SPATC1L: variants seen among roughly 807,000 people sequenced by gnomAD.
The protein encoded by SPATC1L is speriolin-like protein.
A neutral mutation model predicts 21.2 loss-of-function variants in SPATC1L; 20 were observed. That is an observed-to-expected ratio of 0.94 (90% CI 0.66 to 1.37). The LOEUF (loss-of-function observed/expected upper bound fraction) is 1.37. Among genes scored for constraint, SPATC1L ranks in the 40% most tolerant of loss-of-function variants. The pLI is 0.00. For missense variants in SPATC1L, 499 were observed against 478.7 expected (o/e 1.04, Z -0.40); for synonymous variants, 290 against 234.5 (o/e 1.24, Z -2.16).
intron 3 of SPATC1L, among the ~76,000 whole-genome samples, chr21:46,166,337 G>T (rs1308018155): frequency 1.3e-5 from 2 of 152,036 alleles, no homozygotes; most frequent in African/African-American, 4.8e-5. Flanking sequence ...CTGCACTCCA[G>T]CCTGGGCATC....
intron 2 of SPATC1L, among the ~76,000 whole-genome samples, chr21:46,182,072 G>A (rs757537140): frequency 6.6e-6 from 1 of 152,196 alleles, no homozygotes; most frequent in Non-Finnish European, 1.5e-5. Context: ...GCCCCGCAGG[G>A]ACAGGCGCCC....
rs1019489512 is a variant in SPATC1L, at chr21:46,161,650, G to C, written c.752C>G (p.Thr251Arg). The C allele has an allele frequency of 3.1e-6, 5 of 1,609,296 alleles. No homozygotes were observed. Among genetic ancestry groups the C allele is most frequent in the African/African-American group, 1.3e-5 (1 of 74,842 alleles). The change falls in exon 5 of 5, where the codon ACG becomes AGG. Residue 251 changes from threonine (T) to arginine (R), a missense_variant. Transcript: ENST00000291672. The stretch of plus-strand genomic sequence containing the variant: ...CGCGCTCAGGGCCAGGTAGCGCTGC[G>C]TCAGCTCGCGCAGCTTCCTCTCGTC... ...SVDERKLREL[T>R]QRYLALSARL... is the part of the protein sequence containing the mutation.
intron 3 of SPATC1L, among the ~76,000 whole-genome samples, chr21:46,166,500 A>T (rs2079541107): frequency 6.6e-6 from 1 of 152,168 alleles, no homozygotes; most frequent in South Asian, 2.1e-4. Context: ...TGGATAAAAA[A>T]AAAACAAGAC....
At chr21:46,180,122 G>A (rs901994401) in intron 2 of SPATC1L, among the ~76,000 whole-genome samples, 14 of 152,242 alleles carry the variant, frequency 9.2e-5, no homozygotes, top group Non-Finnish European at 1.8e-4. Flanking sequence ...CACCCACGGC[G>A]GCGGCGTCCA....
Position 46,177,454 on chromosome 21 carries a change from A to T in SPATC1L, c.193+5170T>A, listed in dbSNP as rs140775768. 2.1e-3 allele frequency among the ~76,000 whole-genome samples: 316 copies of T among 152,366 alleles called. 1 individual carries two copies. The highest frequency in any genetic ancestry group is 7.1e-3 in the African/African-American group (294 of 41,584). On this transcript the variant is annotated intron_variant, in intron 2 of 4. Transcript: ENST00000291672. ...CCCCATTAAAAAGTGGGCAAAGGACATGAACACTTTTCTAAAGACATACAT... is the reference window on the plus strand; with the variant it reads ...CCCCATTAAAAAGTGGGCAAAGGACTTGAACACTTTTCTAAAGACATACAT...
chr21:46,161,330 GT>G lies in SPATC1L; in HGVS notation c.*48del. 1 of 1,452,640 alleles carries G rather than the reference GT, an allele frequency of 6.9e-7. No individual in the cohort carries two copies. Among genetic ancestry groups the G allele is most frequent in the African/African-American group, 1.4e-5 (1 of 69,516 alleles). The allele number at this position is 1,452,640 out of a possible 1,614,324, so 90.0% of individuals were successfully genotyped here. A position where few individuals can be genotyped will look rare whatever the true frequency, so the allele number is the denominator to read the frequency against. On this transcript the variant is annotated 3_prime_UTR_variant, in exon 5 of 5. Coordinates refer to ENST00000291672, the MANE Select transcript of SPATC1L (RefSeq NM_001142854.2). ...CGCGCAGGAGGCACCGCGGCCCCGG[GT>G]TGGAACAAACGCGTTTACTGCAGGC...
intron 2 of SPATC1L, among the ~76,000 whole-genome samples, chr21:46,177,545 C>T (rs754681014): frequency 6.6e-6 from 1 of 152,092 alleles, no homozygotes; most frequent in Non-Finnish European, 1.5e-5. Context: ...AAATAAAAAC[C>T]ACAATGAGAC....
chr21:46,182,772 G>C lies in SPATC1L; in HGVS notation c.45C>G (p.Asn15Lys). Reference sequence around the variant, plus strand: ...GGCGCACCTGCTTCTTCAGGTCCGCGTTCTCGCTCAGGAGCCGGCTCATCA... The same window carrying C: ...GGCGCACCTGCTTCTTCAGGTCCGCCTTCTCGCTCAGGAGCCGGCTCATCA... ...GELMSRLLSE[N>K]ADLKKQVRLL... The change falls in exon 2 of 5, where the codon AAC becomes AAG. Residue 15 changes from asparagine (N) to lysine (K), a missense_variant. Coordinates refer to ENST00000291672, the MANE Select transcript of SPATC1L (RefSeq NM_001142854.2). 1.3e-6 allele frequency: 2 copies of C among 1,547,112 alleles called. No individual in the cohort carries two copies. The highest frequency in any genetic ancestry group is 2.7e-5 in the African/African-American group (2 of 73,132).
intron 2 of SPATC1L, among the ~76,000 whole-genome samples, chr21:46,181,626 C>G (rs2079674556): frequency 6.6e-6 from 1 of 152,222 alleles, no homozygotes; most frequent in African/African-American, 2.4e-5. Context: ...TCCCCCACCC[C>G]CAGCACAGGT....
At chr21:46,173,640 C>T (rs1004163570) in intron 2 of SPATC1L, among the ~76,000 whole-genome samples, 3 of 152,084 alleles carry the variant, frequency 2.0e-5, no homozygotes, top group African/African-American at 7.2e-5. Flanking sequence ...AGCGATCACT[C>T]CTGCTTGCAG....
rs1436796680 is a variant in SPATC1L, at chr21:46,183,512, TTGCGGGGGAGACCAGCC to T, written c.-713_-697del. ...AGACCAGCCTGCAGGGGAGACCAGCTTGCGGGGGAGACCAGCCTGCGGGGGAGACCAGCCTGGGCGGG... is the reference window on the plus strand; with the variant it reads ...AGACCAGCCTGCAGGGGAGACCAGCTTGCGGGGGAGACCAGCCTGGGCGGG... On this transcript the variant is annotated 5_prime_UTR_variant, in exon 2 of 5. Transcript: ENST00000291672. 1.1e-4 allele frequency: 10 copies of T among 93,226 alleles called. No homozygotes were observed. The highest frequency in any genetic ancestry group is 2.4e-4 in the South Asian group (1 of 4,162). The allele number at this position is 93,226 out of a possible 1,614,324, so 5.8% of individuals were successfully genotyped here.
chr21:46,164,676 C>T (rs1001842723), intron 3 of SPATC1L, among the ~76,000 whole-genome samples: 3 of 151,744 alleles, frequency 2.0e-5, no homozygotes, highest in African/African-American at 7.3e-5. Flanking sequence ...CCTGTAATCC[C>T]AGCTACTGAG....
At chr21:46,167,364 C>G (rs2079548955) in intron 3 of SPATC1L, among the ~76,000 whole-genome samples, 2 of 152,088 alleles carry the variant, frequency 1.3e-5, no homozygotes, top group Non-Finnish European at 2.9e-5. Context: ...TTCAAATAAG[C>G]TAATGATTCA....
At chr21:46,175,873 A>G (rs1339250690) in intron 2 of SPATC1L, among the ~76,000 whole-genome samples, 1 of 152,222 alleles carries the variant, frequency 6.6e-6, no homozygotes, top group East Asian at 1.9e-4. Flanking sequence ...ACTTCAGGCC[A>G]ATATATTTGA....
In SPATC1L at chr21:46,161,273, CG is replaced by C. The variant is rs1184892908; in HGVS notation, c.*105del. The C allele has an allele frequency of 1.8e-6, 2 of 1,138,194 alleles. No individual in the cohort carries two copies. The highest frequency in any genetic ancestry group is 2.4e-6 in the Non-Finnish European group (2 of 849,476). The allele number at this position is 1,138,194 out of a possible 1,614,324, so 70.5% of individuals were successfully genotyped here. A position where few individuals can be genotyped will look rare whatever the true frequency, so the allele number is the denominator to read the frequency against. On this transcript the variant is annotated 3_prime_UTR_variant, in exon 5 of 5. Transcript: ENST00000291672. ...GCGGGGCCTTCTCTGGCCTCGCGCG[CG>C]GGGGACGCGGCCCTTTCCCCTCCGG...
intron 2 of SPATC1L, among the ~76,000 whole-genome samples, chr21:46,173,471 C>G (rs1296350839): frequency 1.3e-5 from 2 of 152,084 alleles, no homozygotes; most frequent in African/African-American, 4.8e-5. Context: ...ATTTCCTTCC[C>G]CCACCAGCAT....
In SPATC1L at chr21:46,161,964, C is replaced by T. The variant is rs763370291; in HGVS notation, c.648G>A (p.Thr216=). 2.5e-6 allele frequency: 4 copies of T among 1,608,194 alleles called. No individual in the cohort carries two copies. The highest frequency in any genetic ancestry group is 1.1e-5 in the South Asian group (1 of 90,800). The change falls in exon 4 of 5, where the codon ACG becomes ACA. Residue 216 remains threonine, a synonymous_variant. Transcript: ENST00000291672. The part of the protein sequence containing the change: ...RILAYVFPGV[T]RLYGFTVANI... ...TGGCCACCGTGAAGCCGTAGAGCCGCGTCACGCCCGGGAACACGTAGGCCA... is the reference window on the plus strand; with the variant it reads ...TGGCCACCGTGAAGCCGTAGAGCCGTGTCACGCCCGGGAACACGTAGGCCA...
At chr21:46,182,183 G>A (rs1436839883) in intron 2 of SPATC1L, among the ~76,000 whole-genome samples, 2 of 152,174 alleles carry the variant, frequency 1.3e-5, no homozygotes, top group Non-Finnish European at 2.9e-5. Context: ...GGACATGAGT[G>A]GATGGGACAC....
intron 2 of SPATC1L, among the ~76,000 whole-genome samples, chr21:46,171,485 GT>G (rs2079590477): frequency 6.6e-6 from 1 of 151,064 alleles, no homozygotes; most frequent in Non-Finnish European, 1.5e-5. Context: ...CCTCTGAAAT[GT>G]TTTCCAAGGA....
Sources: gnomAD v4.1 joint callset for allele counts (sites outside exome capture counted in the v4.1 genomes callset) on GRCh38, gnomAD v4.1.1 for gene constraint, MANE v1.5 for transcripts, NCBI Gene and HGNC (gene_info 2026-07-23, HGNC 2026-07-21) for gene names.